Variants in TOX3 observed in about 807,000 individuals in gnomAD.
TOX3 encodes TOX high mobility group box family member 3.
In TOX3, 22 loss-of-function variants were observed where a neutral mutation model predicts 64.3. The observed-to-expected ratio is 0.34, with a 90% confidence interval of 0.24 to 0.49. TOX3 has a LOEUF of 0.49. Ranked by LOEUF, TOX3 falls within the 20% of genes least tolerant of loss-of-function variation. TOX3 has a pLI of 0.99. For missense variants in TOX3, 661 were observed against 714.4 expected (o/e 0.93, Z 0.85); for synonymous variants, 291 against 273.6 (o/e 1.06, Z -0.63).
At chr16:52,517,355 A>T (rs1016233213) in intron 1 of TOX3, among the ~76,000 whole-genome samples, 3 of 152,124 alleles carry the variant, frequency 2.0e-5, no homozygotes, top group Non-Finnish European at 4.4e-5. Context: ...CTCTGCCTCT[A>T]TACTAGAAAG....
At chr16:52,500,350 C>T (rs1435040946) in intron 1 of TOX3, among the ~76,000 whole-genome samples, 5 of 152,182 alleles carry the variant, frequency 3.3e-5, no homozygotes, top group African/African-American at 1.2e-4. Flanking sequence ...ACTCCTGGCA[C>T]AGACTTCTAA....
rs372022963 is a variant in TOX3, at chr16:52,438,938, C to T, written c.*287G>A. ...TCAGTATGTCCCAGGATTCATTAAA[C>T]AGTTTGATTCACATATTGTAGGTAT... On this transcript the variant is annotated 3_prime_UTR_variant, in exon 7 of 7. Coordinates refer to ENST00000219746, the MANE Select transcript of TOX3 (RefSeq NM_001080430.4). The T allele has an allele frequency of 3.8e-5, 22 of 578,230 alleles. No homozygotes were observed. The highest frequency in any genetic ancestry group is 3.1e-4 in the African/African-American group (17 of 54,196). 35.8% of individuals were successfully genotyped at this position (578,230 alleles called of 1,614,324 possible).
At chr16:52,498,986 C>T (rs953352666) in intron 1 of TOX3, among the ~76,000 whole-genome samples, 2 of 152,172 alleles carry the variant, frequency 1.3e-5, no homozygotes, top group African/African-American at 2.4e-5. Context: ...ACACAATGAG[C>T]GAGTTTCATC....
In TOX3 at chr16:52,546,962, G is replaced by C. The variant is rs892687966; in HGVS notation, c.-239C>G. 58 of 980,532 alleles carry C rather than the reference G, an allele frequency of 5.9e-5. No individual in the cohort carries two copies. Among genetic ancestry groups the C allele is most frequent in the Non-Finnish European group, 6.9e-5 (57 of 828,254 alleles). The allele number at this position is 980,532 out of a possible 1,614,324, so 60.7% of individuals were successfully genotyped here. A position where few individuals can be genotyped will look rare whatever the true frequency, so the allele number is the denominator to read the frequency against. ...GGCGGCCGGGGGGACGCGCCCCGCC[G>C]GGGCACCGAGGCAGCGCTGCGCGCG... On this transcript the variant is annotated 5_prime_UTR_variant, in exon 1 of 7. Transcript: ENST00000219746.
chr16:52,499,786 G>A (rs1961953352), intron 1 of TOX3, among the ~76,000 whole-genome samples: 1 of 152,218 alleles, frequency 6.6e-6, no homozygotes, highest in Non-Finnish European at 1.5e-5. Context: ...GGCAGGCAGA[G>A]GGTGAACACA....
rs141756280 is a variant in TOX3 at position 52,520,630 on chromosome 16, T to G, written c.87+26007A>C. On this transcript the variant is annotated intron_variant, in intron 1 of 6. Coordinates refer to ENST00000219746, the MANE Select transcript of TOX3 (RefSeq NM_001080430.4). ...AAAGTTTTCAAGATTAGGAAAGTAATATGGTGCATATTCCCTTATTACATA... is the reference window on the plus strand; with the variant it reads ...AAAGTTTTCAAGATTAGGAAAGTAAGATGGTGCATATTCCCTTATTACATA... 2.0e-4 allele frequency among the ~76,000 whole-genome samples: 30 copies of G among 152,342 alleles called. No individual in the cohort carries two copies. The East Asian group carries it at 5.8e-3, about 29-fold the overall frequency.
intron 1 of TOX3, among the ~76,000 whole-genome samples, chr16:52,494,749 A>G (rs1961793103): frequency 6.6e-6 from 1 of 152,172 alleles, no homozygotes. Flanking sequence ...CCATCAATAA[A>G]TATTGACTCA....
intron 1 of TOX3, among the ~76,000 whole-genome samples, chr16:52,474,890 C>T (rs568501334): frequency 6.6e-6 from 1 of 152,128 alleles, no homozygotes; most frequent in Non-Finnish European, 1.5e-5. Context: ...GGCCATCGTC[C>T]TTCCCCTTTC....
At chr16:52,510,080 C>G (rs1962261826) in intron 1 of TOX3, among the ~76,000 whole-genome samples, 1 of 150,678 alleles carries the variant, frequency 6.6e-6, no homozygotes, top group Non-Finnish European at 1.5e-5. Flanking sequence ...GCCCTCGCCT[C>G]TGATACCTCA....
Position 52,438,708 on chromosome 16 carries a change from A to T in TOX3, c.*517T>A, listed in dbSNP as rs149503838. ...TTGGCAAAAGTCTGTGATTTACATT[A>T]TTTTTTTCATGACAAAAAAATGCCA... On this transcript the variant is annotated 3_prime_UTR_variant, in exon 7 of 7. Coordinates refer to ENST00000219746, the MANE Select transcript of TOX3 (RefSeq NM_001080430.4). 582 of 163,160 alleles carry T rather than the reference A, an allele frequency of 3.6e-3. 1 individual carries two copies. Among genetic ancestry groups the T allele is most frequent in the African/African-American group, 0.013 (551 of 41,640 alleles). 10.1% of individuals were successfully genotyped at this position (163,160 alleles called of 1,614,324 possible).
At chr16:52,511,410 T>C (rs1232654855) in intron 1 of TOX3, among the ~76,000 whole-genome samples, 4 of 152,066 alleles carry the variant, frequency 2.6e-5, no homozygotes, top group African/African-American at 9.7e-5. Flanking sequence ...GAAAATTGCT[T>C]AAACCTGGGA....
intron 1 of TOX3, among the ~76,000 whole-genome samples, chr16:52,536,533 C>A (rs1962947297): frequency 6.7e-6 from 1 of 148,788 alleles, no homozygotes; most frequent in Non-Finnish European, 1.5e-5. Flanking sequence ...AGGGATAGAT[C>A]TCAGGCTTGT....
intron 1 of TOX3, among the ~76,000 whole-genome samples, chr16:52,506,791 T>G (rs1466962584): frequency 6.6e-6 from 1 of 152,210 alleles, no homozygotes; most frequent in Non-Finnish European, 1.5e-5. Flanking sequence ...AATCACATGT[T>G]AACAATCTCC....
intron 1 of TOX3, among the ~76,000 whole-genome samples, chr16:52,536,403 G>C (rs917969940): frequency 2.6e-5 from 4 of 151,270 alleles, no homozygotes; most frequent in Admixed American, 6.6e-5. Flanking sequence ...TTTGGGGAGA[G>C]GGCTCTAGAC....
chr16:52,524,082 T>G (rs1962670943), intron 1 of TOX3, among the ~76,000 whole-genome samples: 1 of 152,226 alleles, frequency 6.6e-6, no homozygotes, highest in Non-Finnish European at 1.5e-5. Context: ...ACTTAGTGAC[T>G]GTCGTCTTTT....
intron 1 of TOX3, among the ~76,000 whole-genome samples, chr16:52,543,762 A>G (rs991745785): frequency 6.6e-6 from 1 of 152,192 alleles, no homozygotes; most frequent in Non-Finnish European, 1.5e-5. Context: ...CCTACTTGCA[A>G]CGACTTTTGA....
At chr16:52,524,416 T>A (rs185232396) in intron 1 of TOX3, among the ~76,000 whole-genome samples, 70 of 152,342 alleles carry the variant, frequency 4.6e-4, no homozygotes, top group African/African-American at 1.6e-3. Flanking sequence ...TTGCAATTCT[T>A]TCTTCCTAAA....
At chr16:52,543,348 T>C (rs1251175784) in intron 1 of TOX3, among the ~76,000 whole-genome samples, 2 of 152,226 alleles carry the variant, frequency 1.3e-5, no homozygotes, top group Admixed American at 6.5e-5. Context: ...CAATGAGCAT[T>C]TCCTTTGACT....
Position 52,546,987 on chromosome 16 carries a change from G to C in TOX3, c.-264C>G, listed in dbSNP as rs1963212128. 4 of 975,984 alleles carry C rather than the reference G, an allele frequency of 4.1e-6. No individual in the cohort carries two copies. Among genetic ancestry groups the C allele is most frequent in the Non-Finnish European group, 4.8e-6 (4 of 824,912 alleles). The allele number at this position is 975,984 out of a possible 1,614,324, so 60.5% of individuals were successfully genotyped here. On this transcript the variant is annotated 5_prime_UTR_variant, in exon 1 of 7. Transcript: ENST00000219746. ...GGGGCACCGAGGCAGCGCTGCGCGC[G>C]GGCCGGGCGCCGGGGGCGCGGGGCG... is the stretch of plus-strand genomic sequence containing the variant.
Sources: allele counts gnomAD v4.1 joint callset (sites outside exome capture counted in the v4.1 genomes callset), GRCh38; gene constraint gnomAD v4.1.1; transcripts MANE v1.5; gene names NCBI Gene and HGNC (gene_info 2026-07-23, HGNC 2026-07-21).